SMARCA1: variants seen among roughly 807,000 people sequenced by gnomAD.
SMARCA1 encodes SWI/SNF-related matrix-associated actin-dependent regulator of chromatin subfamily A member 1.
SMARCA1 carries 17 observed loss-of-function variants against 93.6 expected under a neutral mutation model. That is an observed-to-expected ratio of 0.18 (90% CI 0.12 to 0.27). The LOEUF (loss-of-function observed/expected upper bound fraction) is 0.27. Among genes scored for constraint, SMARCA1 ranks in the 10% least tolerant of loss-of-function variants. The probability of loss-of-function intolerance (pLI) is 1.00; values close to 1 mark genes in which losing one functional copy is unlikely to be tolerated. For missense variants in SMARCA1, 630 were observed against 819.0 expected (o/e 0.77, Z 2.82); for synonymous variants, 271 against 271.4 (o/e 1.00, Z 0.01).
At chrX:129,470,824 G>A (rs772291627) in intron 20 of SMARCA1, among the ~76,000 whole-genome samples, 8 of 111,654 alleles carry the variant, frequency 7.2e-5, no homozygotes, top group South Asian at 3.8e-4. Flanking sequence ...AGCTCAGATC[G>A]CACCACTGCA....
intron 23 of SMARCA1, among the ~76,000 whole-genome samples, chrX:129,458,198 T>C (rs1322664829): frequency 1.8e-5 from 2 of 112,394 alleles, no homozygotes; most frequent in African/African-American, 6.5e-5. Flanking sequence ...TTATGAACCC[T>C]AGAATGTGAA....
chrX:129,452,561 C>T (rs1932360074), intron 23 of SMARCA1, among the ~76,000 whole-genome samples: 1 of 112,377 alleles, frequency 8.9e-6, no homozygotes, highest in South Asian at 3.7e-4. Flanking sequence ...CTTCTCAGAG[C>T]TTTTAGCATT....
Position 129,523,325 on chromosome X carries a change from C to A in SMARCA1, c.46G>T (p.Asp16Tyr), listed in dbSNP as rs1935489318. 1.7e-6 allele frequency: 2 copies of A among 1,198,209 alleles called. No individual in the cohort carries two copies. Among genetic ancestry groups the A allele is most frequent in the African/African-American group, 3.5e-5 (2 of 56,859 alleles). ...ATGACCACGATAGTGGCGGTCGCATCCGCGGCTGCCACGGTGGCTGCCACT... is the reference window on the plus strand; with the variant it reads ...ATGACCACGATAGTGGCGGTCGCATACGCGGCTGCCACGGTGGCTGCCACT... ...AAVAATVAAA[D>Y]ATATIVVIED... Residue 16 changes from aspartate to tyrosine, a missense_variant, in exon 1 of 25, where the codon GAT becomes TAT. Asp to Tyr is a radical substitution (Grantham distance 160). Coordinates refer to ENST00000371121, the MANE Select transcript of SMARCA1 (RefSeq NM_001282874.2).
intron 23 of SMARCA1, among the ~76,000 whole-genome samples, chrX:129,462,500 T>C (rs1056498411): frequency 8.9e-6 from 1 of 111,867 alleles, no homozygotes; most frequent in Non-Finnish European, 1.9e-5. Context: ...AAGTTCCAAA[T>C]GTATGTGTGT....
At position 129,492,031 on chromosome X, in the gene SMARCA1, C is replaced by A; in HGVS notation, c.1725G>T (p.Arg575Ser). ...SSKFIFMLSTRAGGLGINLAS... is the reference protein window; with the variant it reads ...SSKFIFMLSTSAGGLGINLAS... The stretch of plus-strand genomic sequence containing the variant: ...CCAGGTTAATTCCGAGACCTCCAGC[C>A]CTGGTACTTAGCATAAAGATGAATT... The change falls in exon 14 of 25, where the codon AGG (arginine) becomes AGT (serine). Residue 575 changes from arginine (R) to serine (S), a missense_variant. Arg to Ser is a moderately radical substitution (Grantham distance 110, BLOSUM62 -1). Transcript: ENST00000371121. 2 of 1,188,642 alleles carry A rather than the reference C, an allele frequency of 1.7e-6. No homozygotes were observed. The highest frequency in any genetic ancestry group is 1.1e-6 in the Non-Finnish European group (1 of 875,491).
chrX:129,449,840 A>G (rs1932201778), intron 23 of SMARCA1, among the ~76,000 whole-genome samples: 1 of 111,990 alleles, frequency 8.9e-6, no homozygotes, highest in South Asian at 3.7e-4. Flanking sequence ...AAAAAAAAAA[A>G]AGTCCAAACA....
chrX:129,514,145 C>T (rs1369637038), intron 5 of SMARCA1, among the ~76,000 whole-genome samples: 1 of 112,233 alleles, frequency 8.9e-6, no homozygotes, highest in African/African-American at 3.2e-5. Flanking sequence ...GAAACCCCGT[C>T]TCTACTAAAA....
chrX:129,510,601 CA>C lies in SMARCA1; in HGVS notation c.810+1202del, dbSNP rs767593602. On this transcript the variant is annotated intron_variant, in intron 6 of 24. Transcript: ENST00000371121. ...GAAACAAAGAAATTTTTCAAGCCACCAGAATCCCAGCCTCCCCAGGAAGTAG... is the reference window on the plus strand; with the variant it reads ...GAAACAAAGAAATTTTTCAAGCCACCGAATCCCAGCCTCCCCAGGAAGTAG... Among the ~76,000 whole-genome samples the C allele has an allele frequency of 4.4e-3, 490 of 111,915 alleles. 3 individuals carry two copies. The highest frequency in any genetic ancestry group is 0.015 in the African/African-American group (469 of 30,832).
At chrX:129,451,520 A>G (rs1455291871) in intron 23 of SMARCA1, among the ~76,000 whole-genome samples, 1 of 111,353 alleles carries the variant, frequency 9.0e-6, no homozygotes, top group African/African-American at 3.3e-5. Context: ...GAATACCTCA[A>G]AATGAGTATA....
chrX:129,481,416 G>C (rs1029536610), intron 17 of SMARCA1, among the ~76,000 whole-genome samples: 1 of 112,319 alleles, frequency 8.9e-6, no homozygotes, highest in Non-Finnish European at 1.9e-5. Context: ...TTTAAAGTTA[G>C]TTCTTCCTTG....
At chrX:129,473,151 A>G (rs1362970567) in intron 19 of SMARCA1, among the ~76,000 whole-genome samples, 4 of 111,851 alleles carry the variant, frequency 3.6e-5, no homozygotes, top group African/African-American at 1.3e-4. Context: ...TCTTGACACT[A>G]CACAGAAGGT....
intron 23 of SMARCA1, among the ~76,000 whole-genome samples, chrX:129,456,244 T>C (rs935603365): frequency 8.9e-6 from 1 of 111,793 alleles, no homozygotes; most frequent in Non-Finnish European, 1.9e-5. Flanking sequence ...ATTTATAGTA[T>C]GAAGTATTTA....
intron 1 of SMARCA1, among the ~76,000 whole-genome samples, chrX:129,520,946 C>T (rs1398672641): frequency 3.6e-5 from 4 of 110,933 alleles, no homozygotes; most frequent in African/African-American, 1.3e-4. Flanking sequence ...GGTGGGATCT[C>T]GGCTCACTGC....
chrX:129,496,108 G>A (rs1486961345), intron 12 of SMARCA1, among the ~76,000 whole-genome samples: 1 of 99,991 alleles, frequency 1.0e-5, no homozygotes. Context: ...ACATTTGTGA[G>A]GAATAATCTA....
At position 129,506,139 on chromosome X, in the gene SMARCA1, G is replaced by T; in HGVS notation, c.1039C>A (p.Leu347Met). Residue 347 changes from leucine (L) to methionine (M), a missense_variant, in exon 8 of 25, where the codon CTG becomes ATG. By Grantham distance (15) the Leu-to-Met change is conservative. This residue lies in a region of SMARCA1 where 382 missense variants were observed against 537.9 expected (regional missense o/e 0.71). Coordinates refer to ENST00000371121, the MANE Select transcript of SMARCA1 (RefSeq NM_001282874.2). ...LLTGTPLQNN[L>M]HELWALLNFL... ...TTGAGTAAGGCCCACAGTTCATGCA[G>T]GTTATTCTGCAAAGGTGTTCCAGTT... The T allele has an allele frequency of 8.4e-7, 1 of 1,197,358 alleles. No homozygotes were observed. The highest frequency in any genetic ancestry group is 1.8e-5 in the South Asian group (1 of 56,549).
rs1933274864 is a variant in SMARCA1 at position 129,474,322 on chromosome X, C to G, written c.2443-2996G>C. 2.7e-5 allele frequency among the ~76,000 whole-genome samples: 3 copies of G among 111,307 alleles called. No individual in the cohort carries two copies. The Admixed American group carries it at 2.9e-4, about 11-fold the overall frequency. ...AAATTTTAATTTTAATTGAAAGAAA[C>G]CTCTTTGATCTTAAGATATCCTTCT... On this transcript the variant is annotated intron_variant, in intron 19 of 24. Coordinates refer to ENST00000371121, the MANE Select transcript of SMARCA1 (RefSeq NM_001282874.2).
At position 129,508,083 on chromosome X, in the gene SMARCA1, C is replaced by T. The variant is rs146191618; in HGVS notation, c.824G>A (p.Arg275His). The stretch of plus-strand genomic sequence containing the variant: ...CCACTCTCCTGGCATCATTTCATCA[C>T]GAATAAAAGCAGCCTAATGCAAAAT... ...GDKDARAAFI[R>H]DEMMPGEWDV... Residue 275 changes from arginine (R) to histidine (H), a missense_variant, in exon 7 of 25, where the codon CGT (arginine) becomes CAT (histidine). Coordinates refer to ENST00000371121, the MANE Select transcript of SMARCA1 (RefSeq NM_001282874.2). The T allele has an allele frequency of 2.0e-5, 23 of 1,154,356 alleles. No individual in the cohort carries two copies. The highest frequency in any genetic ancestry group is 3.1e-5 in the East Asian group (1 of 32,200).
intron 1 of SMARCA1, 143 bp from the exon 2 acceptor site, chrX:129,518,590 G>C (rs1023526645): frequency 5.6e-6 from 2 of 355,349 alleles, no homozygotes; most frequent in East Asian, 9.1e-5. Context: ...CCAATGATGA[G>C]AGCATGTCAC....
chrX:129,473,649 A>G (rs1416738202), intron 19 of SMARCA1, among the ~76,000 whole-genome samples: 1 of 112,431 alleles, frequency 8.9e-6, no homozygotes, highest in South Asian at 3.7e-4. Context: ...ACATAGATAC[A>G]TGGGACAACA....
Sources: allele counts gnomAD v4.1 joint callset (sites outside exome capture counted in the v4.1 genomes callset), GRCh38; gene constraint gnomAD v4.1.1; regional missense constraint gnomAD v4.1.1; transcripts MANE v1.5; gene names NCBI Gene and HGNC (gene_info 2026-07-23, HGNC 2026-07-21).